PARD3B: variants seen among roughly 807,000 people sequenced by gnomAD.
PARD3B encodes the protein partitioning defective 3 homolog B.
In PARD3B, 103 loss-of-function variants were observed where a neutral mutation model predicts 130.2. The observed-to-expected ratio is 0.79, with a 90% CI of 0.67 to 0.93. PARD3B has a LOEUF of 0.93. Among genes scored for constraint, PARD3B ranks in the 40% least tolerant of loss-of-function variants. The pLI, the probability that PARD3B is intolerant of heterozygous loss-of-function variation, is 0.00. For missense variants in PARD3B, 1,609 were observed against 1,499.2 expected (o/e 1.07, Z -1.21); for synonymous variants, 583 against 553.2 (o/e 1.05, Z -0.76).
intron 2 of PARD3B, among the ~76,000 whole-genome samples, chr2:204,798,708 T>A (rs1399903389): frequency 1.3e-5 from 2 of 151,720 alleles, no homozygotes; most frequent in African/African-American, 4.8e-5. Context: ...AGCCACAGTA[T>A]GATAGGGCAC....
intron 2 of PARD3B, among the ~76,000 whole-genome samples, chr2:204,749,545 A>G (rs1387986721): frequency 1.3e-5 from 2 of 152,218 alleles, no homozygotes; most frequent in Non-Finnish European, 2.9e-5. Context: ...ATATCTAATG[A>G]GAGCATAAAA....
At chr2:205,248,522 C>T (rs1348819353) in intron 16 of PARD3B, among the ~76,000 whole-genome samples, 3 of 150,814 alleles carry the variant, frequency 2.0e-5, no homozygotes, top group African/African-American at 7.3e-5. Flanking sequence ...TAGTCTCAGT[C>T]GGCTACAGGT....
chr2:205,200,748 A>G lies in PARD3B; in HGVS notation c.2140+7428A>G, dbSNP rs559564199. 5.1e-4 allele frequency among the ~76,000 whole-genome samples: 78 copies of G among 152,368 alleles called. 1 individual carries two copies. In the South Asian group the frequency reaches 0.014, roughly 28 times the overall value. ...AATTTCACATGATAGAGATTCAAAT[A>G]GAAATGTTTTTTCCTAAAGCCAAAT... On this transcript the variant is annotated intron_variant, in intron 15 of 22. Coordinates refer to ENST00000406610, the MANE Select transcript of PARD3B (RefSeq NM_001302769.2).
At chr2:204,763,884 T>G (rs2041016013) in intron 2 of PARD3B, among the ~76,000 whole-genome samples, 1 of 152,246 alleles carries the variant, frequency 6.6e-6, no homozygotes, top group Non-Finnish European at 1.5e-5. Flanking sequence ...CTTCCATGCT[T>G]ATAGAATAGA....
Position 205,575,433 on chromosome 2 carries a change from G to T in PARD3B, c.3260+22030G>T, listed in dbSNP as rs1170580814. On this transcript the variant is annotated intron_variant, in intron 22 of 22. Transcript: ENST00000406610. The surrounding 1 kb of genome is among the most constrained non-coding windows in gnomAD (Gnocchi z 4.6). ...GCGCTCTCTCGGTGTTGTTCATTCT[G>T]TGGGTTTGGACAAGTGTATAATGAC... is the stretch of plus-strand genomic sequence containing the variant. Among the ~76,000 whole-genome samples the T allele has an allele frequency of 6.6e-6, 1 of 151,850 alleles. No individual in the cohort carries two copies. The highest frequency in any genetic ancestry group is 2.4e-5 in the African/African-American group (1 of 41,346).
At chr2:205,025,206 G>A (rs981433948) in intron 3 of PARD3B, among the ~76,000 whole-genome samples, 1 of 152,160 alleles carries the variant, frequency 6.6e-6, no homozygotes, top group South Asian at 2.1e-4. Flanking sequence ...GATAGCAAAG[G>A]CAAACTGCTC....
At chr2:205,313,128 G>T (rs758516205) in intron 18 of PARD3B, among the ~76,000 whole-genome samples, 1 of 152,132 alleles carries the variant, frequency 6.6e-6, no homozygotes, top group Non-Finnish European at 1.5e-5. Context: ...GGCGATAGAT[G>T]CAAGTATGAT....
chr2:204,879,411 A>G (rs974119380), intron 2 of PARD3B, among the ~76,000 whole-genome samples: 1 of 152,216 alleles, frequency 6.6e-6, no homozygotes, highest in Admixed American at 6.5e-5. Context: ...GAGCCAGGTC[A>G]TAGAGCTCTG....
intron 22 of PARD3B, among the ~76,000 whole-genome samples, chr2:205,567,196 A>G (rs1486196422): frequency 6.6e-6 from 1 of 152,032 alleles, no homozygotes; most frequent in Non-Finnish European, 1.5e-5. Context: ...ATGTATAGAG[A>G]GAGAAAGAGG....
rs558187989 is a variant in PARD3B at position 204,728,069 on chromosome 2, G to A, written c.222+41787G>A. Among the ~76,000 whole-genome samples, 89 of 152,262 alleles carry A rather than the reference G, an allele frequency of 5.8e-4. 2 individuals carry two copies. The highest frequency in any genetic ancestry group is 2.1e-3 in the African/African-American group (86 of 41,566). On this transcript the variant is annotated intron_variant, in intron 2 of 22. Transcript: ENST00000406610. Reference sequence around the variant, plus strand: ...AAGAAAGCCTAAAGGCACTTAGCGCGGGAGGATGCATATTAAATTGTCCTA... The same window carrying A: ...AAGAAAGCCTAAAGGCACTTAGCGCAGGAGGATGCATATTAAATTGTCCTA...
intron 2 of PARD3B, among the ~76,000 whole-genome samples, chr2:204,691,861 T>C (rs575990035): frequency 6.6e-6 from 1 of 152,248 alleles, no homozygotes; most frequent in South Asian, 2.1e-4. Context: ...TAAGAAGATA[T>C]TGAATATGAC....
intron 11 of PARD3B, among the ~76,000 whole-genome samples, chr2:205,163,206 G>A (rs1198756691): frequency 6.6e-6 from 1 of 152,136 alleles, no homozygotes; most frequent in Admixed American, 6.5e-5. Context: ...CTTTGACCTA[G>A]TAAGGTAAGA....
rs1019783040 is a variant in PARD3B, at chr2:205,530,132, G to A, written c.3181-23192G>A. 6.6e-6 allele frequency among the ~76,000 whole-genome samples: 1 copy of A among 152,160 alleles called. No homozygotes were observed. The highest frequency in any genetic ancestry group is 2.1e-4 in the South Asian group (1 of 4,828). The stretch of plus-strand genomic sequence containing the variant: ...AAAAGAGTGGCACACAGGAGCATGT[G>A]GAAAGGAAATAATATGCACATCTAA... On this transcript the variant is annotated intron_variant, in intron 21 of 22. Coordinates refer to ENST00000406610, the MANE Select transcript of PARD3B (RefSeq NM_001302769.2). This position sits in a 1 kb window ranked among gnomAD's most constrained non-coding sequence, Gnocchi z 4.7.
intron 1 of PARD3B, among the ~76,000 whole-genome samples, chr2:204,602,430 A>C (rs764968935): frequency 6.6e-6 from 1 of 151,952 alleles, no homozygotes; most frequent in African/African-American, 2.4e-5. Flanking sequence ...CAGTTTAAAA[A>C]AAATAAAAAC....
chr2:204,831,261 A>C (rs1414768125), intron 2 of PARD3B, among the ~76,000 whole-genome samples: 2 of 152,236 alleles, frequency 1.3e-5, no homozygotes, highest in African/African-American at 4.8e-5. Context: ...TGCATTGCTG[A>C]GATCAAAAGC....
intron 3 of PARD3B, among the ~76,000 whole-genome samples, chr2:205,042,731 G>A (rs1235291933): frequency 1.3e-5 from 2 of 151,638 alleles, no homozygotes; most frequent in Non-Finnish European, 2.9e-5. Flanking sequence ...TGTGTGCTGG[G>A]GTGTACTGAA....
At chr2:205,600,245 A>G (rs1233851974) in intron 22 of PARD3B, among the ~76,000 whole-genome samples, 1 of 152,234 alleles carries the variant, frequency 6.6e-6, no homozygotes, top group Non-Finnish European at 1.5e-5. Flanking sequence ...CAGGGATGAG[A>G]GAGAAGTCTA....
At position 205,619,014 on chromosome 2, in the gene PARD3B, T is replaced by G. The variant is rs1327548117; in HGVS notation, c.*3201T>G. 1 of 152,214 alleles carries G rather than the reference T, an allele frequency of 6.6e-6. No homozygotes were observed. The highest frequency in any genetic ancestry group is 1.5e-5 in the Non-Finnish European group (1 of 68,040). The allele number at this position is 152,214 out of a possible 1,614,324, so 9.4% of individuals were successfully genotyped here. A position where few individuals can be genotyped will look rare whatever the true frequency, so the allele number is the denominator to read the frequency against. Reference sequence around the variant, plus strand: ...CACAGGATGGCACCAAGTAAAGATCTTAAGAGCATAGTAGGGGTTCTGAGA... The same window carrying G: ...CACAGGATGGCACCAAGTAAAGATCGTAAGAGCATAGTAGGGGTTCTGAGA... On this transcript the variant is annotated 3_prime_UTR_variant, in exon 23 of 23. Coordinates refer to ENST00000406610, the MANE Select transcript of PARD3B (RefSeq NM_001302769.2).
At position 205,584,927 on chromosome 2, in the gene PARD3B, C is replaced by T. The variant is rs1259765020; in HGVS notation, c.3261-30529C>T. ...ACCTGGATTTCTGGATAATTGCACC[C>T]ACAAGTGGCTACATGCAGACACAAT... On this transcript the variant is annotated intron_variant, in intron 22 of 22. Transcript: ENST00000406610. The surrounding 1 kb of genome is among the most constrained non-coding windows in gnomAD (Gnocchi z 5.5). 6.6e-6 allele frequency among the ~76,000 whole-genome samples: 1 copy of T among 152,212 alleles called. No individual in the cohort carries two copies. Among genetic ancestry groups the T allele is most frequent in the Non-Finnish European group, 1.5e-5 (1 of 68,018 alleles).
Sources: gnomAD v4.1 joint callset for allele counts (sites outside exome capture counted in the v4.1 genomes callset) on GRCh38, gnomAD v4.1.1 for gene constraint, Gnocchi (gnomAD v3.1) non-coding constraint, MANE v1.5 for transcripts, NCBI Gene and HGNC (gene_info 2026-07-23, HGNC 2026-07-21) for gene names.